The following FGF14 variants were observed in gnomAD, a reference collection of about 807,000 sequenced individuals.
FGF14 encodes fibroblast growth factor homologous factor 4.
FGF14 carries 5 observed loss-of-function variants against 25.5 expected under a neutral mutation model. The observed-to-expected ratio is 0.20, with a 90% CI of 0.10 to 0.41. FGF14 has a LOEUF of 0.41. FGF14 is among the 10% of genes least tolerant of loss of function. The probability of loss-of-function intolerance (pLI) is 1.00; values close to 1 mark genes in which losing one functional copy is unlikely to be tolerated. For missense variants in FGF14, 222 were observed against 320.1 expected, an observed-to-expected ratio of 0.69 and a Z score of 2.34; for synonymous variants, 138 against 118.3, an observed-to-expected ratio of 1.17 and a Z score of -1.08.
At chr13:102,131,957 T>C (rs765385125) in intron 1 of FGF14, among the ~76,000 whole-genome samples, 4 of 152,218 alleles carry the variant, frequency 2.6e-5, no homozygotes, top group Non-Finnish European at 4.4e-5. Context: ...CTTACGTCCT[T>C]GTAAAGTTGT....
intron 1 of FGF14, among the ~76,000 whole-genome samples, chr13:102,227,047 A>T (rs1190534975): frequency 6.6e-6 from 1 of 152,048 alleles, no homozygotes; most frequent in East Asian, 1.9e-4. Flanking sequence ...CCTGGAGCTT[A>T]TTTTCAAACA....
intron 1 of FGF14, among the ~76,000 whole-genome samples, chr13:102,290,539 C>T (rs535626145): frequency 5.9e-5 from 9 of 152,282 alleles, no homozygotes; most frequent in African/African-American, 9.6e-5. Context: ...TTAACAGTCT[C>T]CTAAGATTGA....
intron 1 of FGF14, among the ~76,000 whole-genome samples, chr13:102,307,009 A>G (rs560122206): frequency 1.3e-5 from 2 of 152,210 alleles, no homozygotes; most frequent in South Asian, 4.1e-4. Context: ...CTCTGGGTCC[A>G]ATCTAATCCT....
At chr13:101,838,678 C>A (rs531284789) in intron 3 of FGF14, among the ~76,000 whole-genome samples, 3 of 152,060 alleles carry the variant, frequency 2.0e-5, no homozygotes. Context: ...AAACAAAATC[C>A]TCATGTAAAT....
intron 1 of FGF14, among the ~76,000 whole-genome samples, chr13:102,260,609 T>A (rs1044512328): frequency 6.6e-6 from 1 of 152,260 alleles, no homozygotes; most frequent in African/African-American, 2.4e-5. Context: ...GCTATCGCTA[T>A]CACATTGACT....
chr13:101,855,704 T>C (rs1362624823), intron 3 of FGF14, among the ~76,000 whole-genome samples: 1 of 151,970 alleles, frequency 6.6e-6, no homozygotes, highest in African/African-American at 2.4e-5. Flanking sequence ...TTTAATTGGC[T>C]TGAAGAACTG....
chr13:102,026,268 C>A (rs570621751), intron 1 of FGF14, among the ~76,000 whole-genome samples: 48 of 151,880 alleles, frequency 3.2e-4, no homozygotes, highest in Non-Finnish European at 6.0e-4. Context: ...GTAACAACAA[C>A]AGTGCATTCT....
chr13:102,334,974 TA>T (rs1448623463), intron 1 of FGF14, among the ~76,000 whole-genome samples: 1 of 152,162 alleles, frequency 6.6e-6, no homozygotes. Context: ...CGTCACTGAC[TA>T]GAAGCCACAT....
At chr13:102,065,405 T>C (rs1013046631) in intron 1 of FGF14, among the ~76,000 whole-genome samples, 3 of 152,096 alleles carry the variant, frequency 2.0e-5, no homozygotes, top group Non-Finnish European at 2.9e-5. Flanking sequence ...CACAGGGTCT[T>C]TGAGTATACA....
chr13:101,889,414 T>C (rs1304460473), intron 1 of FGF14, among the ~76,000 whole-genome samples: 2 of 152,202 alleles, frequency 1.3e-5, no homozygotes, highest in Non-Finnish European at 2.9e-5. Flanking sequence ...ATATTCACTT[T>C]CTGTCTCAAC....
chr13:102,133,332 G>A (rs1250873209), intron 1 of FGF14, among the ~76,000 whole-genome samples: 1 of 152,154 alleles, frequency 6.6e-6, no homozygotes, highest in Non-Finnish European at 1.5e-5. Context: ...AGGTGTATAT[G>A]AATGGCTGTT....
intron 3 of FGF14, among the ~76,000 whole-genome samples, chr13:101,771,861 A>T (rs2038793830): frequency 6.6e-6 from 1 of 151,980 alleles, no homozygotes; most frequent in South Asian, 2.1e-4. Context: ...TTTTCTCTTA[A>T]ATTTGAGAGT....
intron 1 of FGF14, among the ~76,000 whole-genome samples, chr13:102,253,920 TC>T (rs1033010678): frequency 3.5e-4 from 53 of 152,326 alleles, no homozygotes; most frequent in Admixed American, 1.1e-3. Flanking sequence ...AATTTCCATT[TC>T]ATTGACACAA....
chr13:101,936,008 A>G (rs879625558), intron 1 of FGF14, among the ~76,000 whole-genome samples: 4 of 152,228 alleles, frequency 2.6e-5, no homozygotes, highest in Non-Finnish European at 5.9e-5. Context: ...TAAGGTAGTC[A>G]TAGAAAGGAT....
rs917958954 is a variant in FGF14, at chr13:101,717,638, A to T, written c.*5193T>A. 6.6e-6 allele frequency: 1 copy of T among 151,838 alleles called. No homozygotes were observed. Among genetic ancestry groups the T allele is most frequent in the Non-Finnish European group, 1.5e-5 (1 of 67,934 alleles). The allele number at this position is 151,838 out of a possible 1,614,324, so 9.4% of individuals were successfully genotyped here. A position where few individuals can be genotyped will look rare whatever the true frequency, so the allele number is the denominator to read the frequency against. ...AGGATCAGAAAGTTAAACTTTACGG[A>T]CCACGTACGTCCCTGTCTCATATTC... On this transcript the variant is annotated 3_prime_UTR_variant, in exon 5 of 5. Transcript: ENST00000376143.
chr13:102,168,782 T>C (rs941978505), intron 1 of FGF14, among the ~76,000 whole-genome samples: 1 of 152,124 alleles, frequency 6.6e-6, no homozygotes, highest in African/African-American at 2.4e-5. Flanking sequence ...CACATATTTA[T>C]TTTTCTCAGG....
chr13:102,141,191 T>A (rs1484108787), intron 1 of FGF14, among the ~76,000 whole-genome samples: 1 of 152,222 alleles, frequency 6.6e-6, no homozygotes, highest in East Asian at 1.9e-4. Flanking sequence ...AGGGAGTCTA[T>A]TCCTGGCCCA....
At chr13:101,902,285 C>T (rs957601783) in intron 1 of FGF14, among the ~76,000 whole-genome samples, 2 of 151,980 alleles carry the variant, frequency 1.3e-5, no homozygotes, top group African/African-American at 4.8e-5. Context: ...TGTCCTTATG[C>T]TCTTTCTCTT....
chr13:102,315,557 A>C (rs932729868), intron 1 of FGF14, among the ~76,000 whole-genome samples: 16 of 152,202 alleles, frequency 1.1e-4, no homozygotes, highest in African/African-American at 3.9e-4. Flanking sequence ...CCAATACTGC[A>C]AAAAGGGAAC....
Sources: gnomAD v4.1 joint callset for allele counts (sites outside exome capture counted in the v4.1 genomes callset) on GRCh38, gnomAD v4.1.1 for gene constraint, MANE v1.5 for transcripts, NCBI Gene and HGNC (gene_info 2026-07-23, HGNC 2026-07-21) for gene names.